The following MGST1 variants were observed in gnomAD, a reference collection of about 807,000 sequenced individuals.
MGST1 encodes the protein glutathione S-transferase 12.
A neutral mutation model predicts 8.9 loss-of-function variants in MGST1; 5 were observed. That is an observed-to-expected ratio of 0.56 (90% confidence interval 0.29 to 1.19). MGST1 has a LOEUF of 1.19. MGST1 is among the 50% of genes most tolerant of loss of function. The pLI, the probability that MGST1 is intolerant of heterozygous loss-of-function variation, is 0.08. For synonymous variants in MGST1, 54 were observed against 67.8 expected, an observed-to-expected ratio of 0.80 and a Z score of 1.00; for missense variants, 182 against 187.4, an observed-to-expected ratio of 0.97 and a Z score of 0.17.
rs10846336 is a variant in MGST1, at chr12:16,369,418, T to C, written c.222-6704T>C. 0.11 allele frequency among the ~76,000 whole-genome samples: 16,746 copies of C among 151,954 alleles called. 1,856 individuals carry two copies. Among genetic ancestry groups the C allele is most frequent in the East Asian group, 0.28 (1,423 of 5,144 alleles). On this transcript the variant is annotated intron_variant, in intron 3 of 3. Coordinates refer to the MGST1 transcript ENST00000535309. The surrounding 1 kb of genome is among the most constrained non-coding windows in gnomAD (Gnocchi z 4.8). ...TAGCCAGGCGGTCCTGCTGAATATG[T>C]GTCTGGGTTCTCTAAGGAATCTGGA...
In MGST1 at chr12:16,364,285, A is replaced by T; in HGVS notation, c.*244A>T. ...TTAAAGTACTTTCTTATAAATTTGG[A>T]TCATGTTATGATTTGTAACATTCAC... On this transcript the variant is annotated 3_prime_UTR_variant, in exon 4 of 4. Coordinates refer to ENST00000396210, the MANE Select transcript of MGST1 (RefSeq NM_020300.5). This position sits in a 1 kb window ranked among gnomAD's most constrained non-coding sequence, Gnocchi z 5.7. The T allele has an allele frequency of 6.0e-6, 7 of 1,174,522 alleles. No homozygotes were observed. Among genetic ancestry groups the T allele is most frequent in the Non-Finnish European group, 7.4e-6 (7 of 948,140 alleles). The allele number at this position is 1,174,522 out of a possible 1,614,324, so 72.8% of individuals were successfully genotyped here. A position where few individuals can be genotyped will look rare whatever the true frequency, so the allele number is the denominator to read the frequency against.
chr12:16,438,724 T>C (rs985248497), exon 2 of MGST1: 1 of 151,902 alleles, frequency 6.6e-6, no homozygotes, highest in African/African-American at 2.4e-5. Flanking sequence ...ATCACACATA[T>C]TTCACTATAA....
Position 16,513,789 on chromosome 12 carries a change from T to G in MGST1, n.483-75739T>G, listed in dbSNP as rs1481088922. Reference sequence around the variant, plus strand: ...CTGTGCAGACCATTTCTGGAACTAGTGCCTTAAGGATCAGAGCTAGTTTTC... The same window carrying G: ...CTGTGCAGACCATTTCTGGAACTAGGGCCTTAAGGATCAGAGCTAGTTTTC... On this transcript the variant is annotated intron_variant and non_coding_transcript_variant, in intron 4 of 4. Coordinates refer to the MGST1 transcript ENST00000538857. The surrounding 1 kb of genome is among the most constrained non-coding windows in gnomAD (Gnocchi z 4.2). 3.3e-6 allele frequency: 2 copies of G among 599,638 alleles called. No individual in the cohort carries two copies. The highest frequency in any genetic ancestry group is 6.6e-6 in the Non-Finnish European group (2 of 303,818). The allele number at this position is 599,638 out of a possible 1,614,324, so 37.1% of individuals were successfully genotyped here.
At position 16,514,229 on chromosome 12, in the gene MGST1, A is replaced by G. The variant is rs545571001; in HGVS notation, n.483-75299A>G. The G allele has an allele frequency of 4.9e-5, 15 of 305,218 alleles. No individual in the cohort carries two copies. In the East Asian group the frequency reaches 1.3e-3, roughly 27 times the overall value. 18.9% of individuals were successfully genotyped at this position (305,218 alleles called of 1,614,324 possible). A position where few individuals can be genotyped will look rare whatever the true frequency, so the allele number is the denominator to read the frequency against. On this transcript the variant is annotated intron_variant and non_coding_transcript_variant, in intron 4 of 4. Transcript: ENST00000538857. The stretch of plus-strand genomic sequence containing the variant: ...TCATACACCAAGAACATGGTCTTAC[A>G]CAGTGAGGGTGTGGCAGGCTTCACC...
At chr12:16,419,232 GT>G (rs1447436985) in intron 1 of MGST1, among the ~76,000 whole-genome samples, 1 of 152,122 alleles carries the variant, frequency 6.6e-6, no homozygotes, top group African/African-American at 2.4e-5. Context: ...CAAATGCTCT[GT>G]TCTTGCCTTT....
chr12:16,572,708 T>C (rs1333428078), intron 4 of MGST1, among the ~76,000 whole-genome samples: 1 of 148,036 alleles, frequency 6.8e-6, no homozygotes, highest in Non-Finnish European at 1.5e-5. Flanking sequence ...ATATTATATA[T>C]AATTTAAATA....
chr12:16,549,045 CA>C (rs1168603142), intron 4 of MGST1: 1 of 152,070 alleles, frequency 6.6e-6, no homozygotes, highest in East Asian at 1.9e-4. Context: ...AAAGCAAAAC[CA>C]GTTAAACCTT....
intron 1 of MGST1, among the ~76,000 whole-genome samples, chr12:16,408,224 G>C (rs951112195): frequency 6.6e-6 from 1 of 151,966 alleles, no homozygotes; most frequent in African/African-American, 2.4e-5. Flanking sequence ...CTTGAGGTTG[G>C]AGGGTGGGAG....
At chr12:16,387,773 G>T (rs554275547) in intron 1 of MGST1, among the ~76,000 whole-genome samples, 1 of 152,014 alleles carries the variant, frequency 6.6e-6, no homozygotes, top group African/African-American at 2.4e-5. Flanking sequence ...TGATCTGCCC[G>T]CCTTGGCCTC....
intron 4 of MGST1, among the ~76,000 whole-genome samples, chr12:16,463,610 GAA>G (rs11337694): frequency 1.3e-5 from 2 of 151,012 alleles, no homozygotes; most frequent in Middle Eastern, 3.4e-3. Flanking sequence ...AGAAAAGGAA[GAA>G]AAAAAAAGAA....
At position 16,555,779 on chromosome 12, in the gene MGST1, G is replaced by A. The variant is rs1363864192; in HGVS notation, n.483-33749G>A. Among the ~76,000 whole-genome samples the A allele has an allele frequency of 6.6e-6, 1 of 152,012 alleles. No homozygotes were observed. Among genetic ancestry groups the A allele is most frequent in the Non-Finnish European group, 1.5e-5 (1 of 68,000 alleles). On this transcript the variant is annotated intron_variant and non_coding_transcript_variant, in intron 4 of 4. Transcript: ENST00000538857. The surrounding 1 kb of genome is among the most constrained non-coding windows in gnomAD (Gnocchi z 5.5). The stretch of plus-strand genomic sequence containing the variant: ...CTTTCACATCTGCATGCCTTTGCAC[G>A]TTGCTCAATTTGCCTGAAAATTCCT...
Position 16,500,336 on chromosome 12 carries a change from T to C in MGST1, n.483-89192T>C, listed in dbSNP as rs1941497778. ...GCTGAGATGCCTGACAGACAACAAA[T>C]AAACTGGAAAAAGAGAGGTTCTTAT... On this transcript the variant is annotated intron_variant and non_coding_transcript_variant, in intron 4 of 4. Transcript: ENST00000538857. The surrounding 1 kb of genome is among the most constrained non-coding windows in gnomAD (Gnocchi z 4.3). Among the ~76,000 whole-genome samples, 1 of 152,132 alleles carries C rather than the reference T, an allele frequency of 6.6e-6. No homozygotes were observed. Among genetic ancestry groups the C allele is most frequent in the African/African-American group, 2.4e-5 (1 of 41,440 alleles).
intron 4 of MGST1, among the ~76,000 whole-genome samples, chr12:16,554,958 G>C (rs779468456): frequency 5.3e-4 from 81 of 152,156 alleles, no homozygotes; most frequent in African/African-American, 1.9e-3. Context: ...CACCGCGCCC[G>C]GCCAGGTTTA....
intron 1 of MGST1, among the ~76,000 whole-genome samples, chr12:16,437,021 G>A (rs749143441): frequency 5.9e-5 from 9 of 152,004 alleles, no homozygotes; most frequent in African/African-American, 1.9e-4. Context: ...AACTGTTGCC[G>A]CTAACCTTGG....
downstream of MGST1, among the ~76,000 whole-genome samples, chr12:16,381,038 C>G (rs534169169): frequency 8.5e-5 from 13 of 152,290 alleles, no homozygotes; most frequent in African/African-American, 2.6e-4. Context: ...ATGTGTGTCT[C>G]TGCATGTGAG....
chr12:16,363,243 A>G lies in MGST1; in HGVS notation c.222-552A>G, dbSNP rs1433371513. ...TTTTACTATATTTGAAAGGCTAGTT[A>G]TGTATTCTGTTATTTAGATATAAGA... On this transcript the variant is annotated intron_variant, in intron 3 of 3. Coordinates refer to ENST00000396210, the MANE Select transcript of MGST1 (RefSeq NM_020300.5). This position sits in a 1 kb window ranked among gnomAD's most constrained non-coding sequence, Gnocchi z 4.6. 1.3e-5 allele frequency: 2 copies of G among 152,170 alleles called. No homozygotes were observed. Among genetic ancestry groups the G allele is most frequent in the African/African-American group, 4.8e-5 (2 of 41,458 alleles). The allele number at this position is 152,170 out of a possible 1,614,324, so 9.4% of individuals were successfully genotyped here. A position where few individuals can be genotyped will look rare whatever the true frequency, so the allele number is the denominator to read the frequency against.
Position 16,361,714 on chromosome 12 carries a change from T to C in MGST1, c.222-2081T>C, listed in dbSNP as rs1940004989. The stretch of plus-strand genomic sequence containing the variant: ...CTCAAAAGAAGTACAAAATACAGCA[T>C]AAATTGGCATAAGTATGAGGGTCTG... On this transcript the variant is annotated intron_variant, in intron 3 of 3. Coordinates refer to ENST00000396210, the MANE Select transcript of MGST1 (RefSeq NM_020300.5). The surrounding 1 kb of genome is among the most constrained non-coding windows in gnomAD (Gnocchi z 4.2). Among the ~76,000 whole-genome samples, 1 of 152,128 alleles carries C rather than the reference T, an allele frequency of 6.6e-6. No individual in the cohort carries two copies. Among genetic ancestry groups the C allele is most frequent in the Non-Finnish European group, 1.5e-5 (1 of 68,022 alleles).
chr12:16,507,723 G>A (rs1328938254), intron 4 of MGST1, among the ~76,000 whole-genome samples: 3 of 152,044 alleles, frequency 2.0e-5, no homozygotes, highest in Admixed American at 6.6e-5. Flanking sequence ...GAAGGGGGAA[G>A]TGCTACACTT....
chr12:16,485,194 T>C (rs1941392157), intron 4 of MGST1, among the ~76,000 whole-genome samples: 1 of 152,248 alleles, frequency 6.6e-6, no homozygotes, highest in East Asian at 1.9e-4. Flanking sequence ...CTTGTACCTC[T>C]TTGACAGCTT....
Sources: gnomAD v4.1 joint callset for allele counts (sites outside exome capture counted in the v4.1 genomes callset) on GRCh38, gnomAD v4.1.1 for gene constraint, Gnocchi (gnomAD v3.1) non-coding constraint, MANE v1.5 for transcripts, NCBI Gene and HGNC (gene_info 2026-07-23, HGNC 2026-07-21) for gene names.